The following STAT5B variants were observed in gnomAD, a reference collection of about 807,000 sequenced individuals.
STAT5B encodes transcription factor STAT5B.
STAT5B carries 21 observed loss-of-function variants against 107.8 expected under a neutral mutation model. That is an observed-to-expected ratio of 0.19 (90% CI 0.14 to 0.28). The LOEUF (loss-of-function observed/expected upper bound fraction) is 0.28. STAT5B is among the 10% of genes least tolerant of loss of function. The pLI is 1.00. For synonymous variants in STAT5B, 325 were observed against 401.7 expected (o/e 0.81, Z 2.28); for missense variants, 565 against 1,008.2 (o/e 0.56, Z 5.95).
intron 1 of STAT5B, among the ~76,000 whole-genome samples, chr17:42,266,553 A>AT (rs1008205642): frequency 4.6e-5 from 7 of 150,764 alleles, no homozygotes; most frequent in Non-Finnish European, 8.9e-5. Context: ...AAATAAAAAA[A>AT]AAAAAAAAAA....
At chr17:42,275,684 T>A (rs1218267169) in intron 1 of STAT5B, 1 of 151,940 alleles carries the variant, frequency 6.6e-6, no homozygotes, top group Non-Finnish European at 1.5e-5. Flanking sequence ...TGATGTGGGA[T>A]CCCGCCCCCC....
At chr17:42,211,124 C>A (rs1320918662) in intron 13 of STAT5B, among the ~76,000 whole-genome samples, 1 of 151,934 alleles carries the variant, frequency 6.6e-6, no homozygotes, top group African/African-American at 2.4e-5. Flanking sequence ...TCACTTGAAT[C>A]TGGGAGACGG....
At position 42,210,294 on chromosome 17, in the gene STAT5B, A is replaced by G. The variant is rs1343126058; in HGVS notation, c.1783T>C (p.Leu595=). Residue 595 remains leucine (L), a synonymous_variant, in exon 15 of 19, where the codon TTG becomes CTG. Coordinates refer to ENST00000293328, the MANE Select transcript of STAT5B (RefSeq NM_012448.4). ...GCCTGTTGCTTGTTTACAAACCCCA[A>G]AATGGCCCTGGATCACCAAGGACAA... ...LKPHWNDGAI[L]GFVNKQQAHD... is the part of the protein sequence containing the mutation. The G allele has an allele frequency of 6.2e-7, 1 of 1,614,084 alleles. No homozygotes were observed. The highest frequency in any genetic ancestry group is 1.3e-5 in the African/African-American group (1 of 74,926).
chr17:42,263,870 C>T (rs1357090783), intron 1 of STAT5B, among the ~76,000 whole-genome samples: 10 of 72,602 alleles, frequency 1.4e-4, no homozygotes, highest in South Asian at 4.8e-4. Flanking sequence ...CTAGAAAGCG[C>T]GCACACACAC....
rs2080052334 is a variant in STAT5B at position 42,202,400 on chromosome 17, A to G, written c.2177T>C (p.Met726Thr). 1 of 1,614,126 alleles carries G rather than the reference A, an allele frequency of 6.2e-7. No homozygotes were observed. The highest frequency in any genetic ancestry group is 8.5e-7 in the Non-Finnish European group (1 of 1,180,048). The change falls in exon 18 of 19, where the codon ATG becomes ACG. Residue 726 changes from methionine (M) to threonine (T), a missense_variant. By Grantham distance (81) the Met-to-Thr change is moderately conservative. This residue lies in a region of STAT5B where 76 missense variants were observed against 110.2 expected (regional missense o/e 0.69). Coordinates refer to ENST00000293328, the MANE Select transcript of STAT5B (RefSeq NM_012448.4). ...CACAGCTGGGGAGGGGGCCTGGTCCATGTACGTGGCGCTGCCGCCCCCGGC... is the reference window on the plus strand; with the variant it reads ...CACAGCTGGGGAGGGGGCCTGGTCCGTGTACGTGGCGCTGCCGCCCCCGGC... The part of the protein sequence containing the change: ...ADAGGGSATY[M>T]DQAPSPAVCP...
intron 1 of STAT5B, among the ~76,000 whole-genome samples, chr17:42,264,313 C>G (rs1356135444): frequency 6.6e-6 from 1 of 151,062 alleles, no homozygotes; most frequent in Non-Finnish European, 1.5e-5. Context: ...CCCACTAACT[C>G]GTCATCTGGC....
At chr17:42,256,150 C>A (rs532863555) in intron 1 of STAT5B, among the ~76,000 whole-genome samples, 12 of 152,254 alleles carry the variant, frequency 7.9e-5, no homozygotes, top group Admixed American at 2.0e-4. Context: ...GGTTAAAAAA[C>A]CAGTTTTTGC....
chr17:42,218,217 T>TG lies in STAT5B; in HGVS notation c.1102dup (p.Gln368ProfsTer9), dbSNP rs761761205. 7.4e-6 allele frequency: 12 copies of TG among 1,612,696 alleles called. No individual in the cohort carries two copies. The highest frequency in any genetic ancestry group is 4.5e-5 in the East Asian group (2 of 44,840). ...CTCACTGATGATGGTGGCCTTCACC[T>TG]GGGGGGGGTTCATGTGCACGTTCAG... On this transcript the variant is annotated frameshift_variant, in exon 9 of 19. Transcript: ENST00000293328. LOFTEE classifies it high-confidence loss of function.
chr17:42,278,835 T>C (rs2080783104), upstream of STAT5B, among the ~76,000 whole-genome samples: 1 of 151,790 alleles, frequency 6.6e-6, no homozygotes, highest in Non-Finnish European at 1.5e-5. Context: ...AAAAATTAGC[T>C]GGACGTGGTG....
At chr17:42,259,285 A>C (rs2080573660) in intron 1 of STAT5B, among the ~76,000 whole-genome samples, 1 of 152,006 alleles carries the variant, frequency 6.6e-6, no homozygotes, top group African/African-American at 2.4e-5. Flanking sequence ...TACAGGCGTG[A>C]GCCACTGCAC....
intron 1 of STAT5B, among the ~76,000 whole-genome samples, chr17:42,263,001 T>A (rs2080629150): frequency 1.8e-5 from 1 of 56,914 alleles, no homozygotes. Context: ...TATATATATA[T>A]ATATATATAT....
Position 42,217,152 on chromosome 17 carries a change from G to A in STAT5B, c.1380+8C>T. ...ACACGCACACGCAGAGCTGAGGGAA[G>A]GCTTTACCTTGACTTGAAAAACCAG... On this transcript the variant is annotated splice_region_variant and intron_variant, in intron 11 of 18. Transcript: ENST00000293328. The A allele has an allele frequency of 6.2e-7, 1 of 1,609,834 alleles. No individual in the cohort carries two copies. The highest frequency in any genetic ancestry group is 2.3e-5 in the East Asian group (1 of 44,346).
chr17:42,234,485 G>C (rs1470060304), intron 1 of STAT5B: 1 of 152,180 alleles, frequency 6.6e-6, no homozygotes, highest in African/African-American at 2.4e-5. Flanking sequence ...ACTGCACAAT[G>C]TATTTTTTAA....
At chr17:42,246,447 C>T (rs549312564) in intron 1 of STAT5B, among the ~76,000 whole-genome samples, 1 of 151,908 alleles carries the variant, frequency 6.6e-6, no homozygotes, top group African/African-American at 2.4e-5. Flanking sequence ...ATATATAGTG[C>T]CTTAAATGTG....
At chr17:42,258,802 T>A (rs981467297) in intron 1 of STAT5B, among the ~76,000 whole-genome samples, 2 of 152,246 alleles carry the variant, frequency 1.3e-5, no homozygotes, top group Non-Finnish European at 2.9e-5. Context: ...CACACAGTGG[T>A]GTTACCAGTC....
At chr17:42,229,906 T>A (rs1251636105) in intron 2 of STAT5B, among the ~76,000 whole-genome samples, 1 of 152,042 alleles carries the variant, frequency 6.6e-6, no homozygotes, top group Non-Finnish European at 1.5e-5. Context: ...AAAATCTTTA[T>A]ATTCTGAAGA....
At chr17:42,210,731 C>A (rs931292108) in intron 13 of STAT5B, 1 of 523,330 alleles carries the variant, frequency 1.9e-6, no homozygotes, top group African/African-American at 1.9e-5. Flanking sequence ...GCTACAGACA[C>A]TTTCACCTGG....
intron 5 of STAT5B, among the ~76,000 whole-genome samples, chr17:42,221,628 C>T (rs907350472): frequency 1.3e-5 from 2 of 152,164 alleles, no homozygotes; most frequent in African/African-American, 4.8e-5. Context: ...CCAAATCTTC[C>T]GTTTCCATTC....
At chr17:42,203,442 A>G (rs1054646225) in intron 16 of STAT5B, among the ~76,000 whole-genome samples, 2 of 152,110 alleles carry the variant, frequency 1.3e-5, no homozygotes, top group Non-Finnish European at 2.9e-5. Flanking sequence ...TGAAAAGCTT[A>G]AAGTCCAAGA....
Sources: gnomAD v4.1 joint callset for allele counts (sites outside exome capture counted in the v4.1 genomes callset) on GRCh38, gnomAD v4.1.1 for gene constraint, gnomAD v4.1.1 regional missense constraint, MANE v1.5 for transcripts, NCBI Gene and HGNC (gene_info 2026-07-23, HGNC 2026-07-21) for gene names.